The following STAU1 variants were observed in gnomAD, a reference collection of about 807,000 sequenced individuals.
STAU1 encodes the protein double-stranded RNA-binding protein Staufen homolog 1.
Under a neutral mutation model 62.9 loss-of-function variants are expected in STAU1, and 13 were observed. That is an observed-to-expected ratio of 0.21 (90% CI 0.13 to 0.33). The LOEUF (loss-of-function observed/expected upper bound fraction) is 0.33. STAU1 is among the 10% of genes least tolerant of loss of function. The probability of loss-of-function intolerance (pLI) is 1.00; values close to 1 mark genes in which losing one functional copy is unlikely to be tolerated. For missense variants in STAU1, 571 were observed against 712.1 expected (o/e 0.80, Z 2.25); for synonymous variants, 269 against 265.1 (o/e 1.01, Z -0.14).
chr20:49,207,109 C>G, the STAU1 span, among the ~76,000 whole-genome samples: 2 of 152,004 alleles, frequency 1.3e-5, no homozygotes, highest in African/African-American at 2.4e-5. Context: ...ACCTGTAGTC[C>G]CAGCTACTTA....
intron 3 of STAU1, among the ~76,000 whole-genome samples, chr20:49,161,848 G>A (rs905345470): frequency 2.0e-5 from 3 of 152,176 alleles, no homozygotes; most frequent in Non-Finnish European, 2.9e-5. Flanking sequence ...CAGAGAAGAC[G>A]CAACTAGGGT....
intron 1 of STAU1, among the ~76,000 whole-genome samples, chr20:49,180,178 A>G (rs2146567150): frequency 6.6e-6 from 1 of 152,384 alleles, no homozygotes; most frequent in South Asian, 2.1e-4. Context: ...GATGTTAGAA[A>G]GGGCTAGGAA....
chr20:49,177,014 C>A (rs373058957), intron 1 of STAU1, among the ~76,000 whole-genome samples: 1 of 151,490 alleles, frequency 6.6e-6, no homozygotes, highest in Non-Finnish European at 1.5e-5. Flanking sequence ...CGGGTTCAAG[C>A]GATTCTCCTG....
At chr20:49,150,152 C>T (rs1428594445) in intron 5 of STAU1, among the ~76,000 whole-genome samples, 1 of 152,176 alleles carries the variant, frequency 6.6e-6, no homozygotes, top group Admixed American at 6.6e-5. Context: ...CCCTCAATGG[C>T]ATGGAGTTAC....
chr20:49,152,340 CTT>C (rs3092547), intron 4 of STAU1, among the ~76,000 whole-genome samples: 2 of 104,562 alleles, frequency 1.9e-5, no homozygotes, highest in Admixed American at 1.1e-4. Context: ...CCACTAATGT[CTT>C]TTTTTTTTTT....
chr20:49,176,394 G>A (rs112645485), intron 1 of STAU1, among the ~76,000 whole-genome samples: 142 of 152,208 alleles, frequency 9.3e-4, no homozygotes, highest in Middle Eastern at 3.4e-3. Context: ...CTCAAATTCT[G>A]CGGTCTGATT....
In STAU1 at chr20:49,117,773, T is replaced by C; in HGVS notation, c.1509+4A>G. On this transcript the variant is annotated splice_donor_region_variant and intron_variant, in intron 11 of 13. Coordinates refer to ENST00000371856, the MANE Select transcript of STAU1 (RefSeq NM_017453.4). This position sits in a 1 kb window ranked among gnomAD's most constrained non-coding sequence, Gnocchi z 4.6. ...AGCCATCACAGCTCAGGCCAGACAG[T>C]TACCTGGAATCCCTGGACTCTGGAA... 6.2e-7 allele frequency: 1 copy of C among 1,603,062 alleles called. No individual in the cohort carries two copies. The highest frequency in any genetic ancestry group is 1.1e-5 in the South Asian group (1 of 90,352).
the STAU1 span, among the ~76,000 whole-genome samples, chr20:49,195,949 C>G: frequency 9.6e-5 from 8 of 83,370 alleles, no homozygotes; most frequent in Non-Finnish European, 2.1e-4. Context: ...AAAGAAACAA[C>G]AACGTAATGG....
chr20:49,172,679 C>T (rs1470181441), intron 2 of STAU1, among the ~76,000 whole-genome samples: 1 of 152,150 alleles, frequency 6.6e-6, no homozygotes, highest in Non-Finnish European at 1.5e-5. Flanking sequence ...AGAAACCACC[C>T]TTGCTGCTAA....
chr20:49,186,536 C>T (rs1366896091), intron 1 of STAU1, among the ~76,000 whole-genome samples: 1 of 152,012 alleles, frequency 6.6e-6, no homozygotes, highest in Admixed American at 6.6e-5. Context: ...ACAGGAGGAT[C>T]ACTCAGGTAA....
rs527806181 is a variant in STAU1 at position 49,165,323 on chromosome 20, G to A, written c.205+674C>T. 3.4e-4 allele frequency among the ~76,000 whole-genome samples: 52 copies of A among 151,924 alleles called. No individual in the cohort carries two copies. The South Asian group carries it at 4.6e-3, about 13-fold the overall frequency. ...CTCCCAAAGTGCTGGGATTACAGGC[G>A]TGAGCCACCGCGCCCGGCCTATTTT... On this transcript the variant is annotated intron_variant, in intron 3 of 13. Coordinates refer to ENST00000371856, the MANE Select transcript of STAU1 (RefSeq NM_017453.4).
At chr20:49,201,696 C>T in the STAU1 span, among the ~76,000 whole-genome samples, 1,657 of 142,390 alleles carry the variant, frequency 0.012, 36 homozygotes, top group African/African-American at 0.04. Flanking sequence ...GAGTCAAGAT[C>T]ACACCACTGC....
intron 5 of STAU1, among the ~76,000 whole-genome samples, chr20:49,140,176 C>CA (rs879927630): frequency 1.5e-3 from 190 of 122,768 alleles, no homozygotes; most frequent in East Asian, 2.1e-3. Flanking sequence ...GACTCCGTCT[C>CA]AAAAAAAAAA....
At chr20:49,138,284 C>T (rs1219696191) in intron 5 of STAU1, among the ~76,000 whole-genome samples, 1 of 151,516 alleles carries the variant, frequency 6.6e-6, no homozygotes, top group African/African-American at 2.4e-5. Context: ...CGTGTCACAC[C>T]CACCAAAAAA....
At chr20:49,134,498 T>C in intron 6 of STAU1, 2 of 1,119,776 alleles carry the variant, frequency 1.8e-6, no homozygotes, top group Non-Finnish European at 2.7e-6. Flanking sequence ...TCATTACTCT[T>C]CTCTCATGGA....
intron 2 of STAU1, among the ~76,000 whole-genome samples, chr20:49,172,732 T>C (rs1237923305): frequency 1.3e-5 from 2 of 152,158 alleles, no homozygotes; most frequent in Non-Finnish European, 2.9e-5. Flanking sequence ...TTCTGAGATG[T>C]AGCTTTCAAT....
chr20:49,173,823 T>C (rs952831255), intron 2 of STAU1, among the ~76,000 whole-genome samples: 1 of 152,202 alleles, frequency 6.6e-6, no homozygotes, highest in Non-Finnish European at 1.5e-5. Context: ...GCTAAATTCG[T>C]TCTATGAGTT....
At chr20:49,205,390 G>A in the STAU1 span, among the ~76,000 whole-genome samples, 1 of 142,570 alleles carries the variant, frequency 7.0e-6, no homozygotes, top group Non-Finnish European at 1.5e-5. Context: ...TTTTGAGATG[G>A]AGTCTTGCCC....
intron 8 of STAU1, 152 bp from the exon 9 acceptor site, chr20:49,120,280 TA>T: frequency 2.5e-6 from 2 of 813,042 alleles, no homozygotes; most frequent in Non-Finnish European, 3.7e-6. Context: ...GAGAGCTAAT[TA>T]TTAAATAGTC....
Sources: gnomAD v4.1 joint callset for allele counts (sites outside exome capture counted in the v4.1 genomes callset) on GRCh38, gnomAD v4.1.1 for gene constraint, Gnocchi (gnomAD v3.1) non-coding constraint, MANE v1.5 for transcripts, NCBI Gene and HGNC (gene_info 2026-07-23, HGNC 2026-07-21) for gene names.